The following EFHC1 variants were observed in gnomAD, a reference collection of about 807,000 sequenced individuals.
The protein encoded by EFHC1 is EF-hand domain-containing protein 1.
Under a neutral mutation model 69.9 loss-of-function variants are expected in EFHC1, and 53 were observed. The observed-to-expected ratio is 0.76, with a 90% confidence interval of 0.61 to 0.95. The LOEUF (loss-of-function observed/expected upper bound fraction) is 0.95. Ranked by LOEUF, EFHC1 falls within the 40% of genes least tolerant of loss-of-function variation. EFHC1 has a pLI of 0.00. For missense variants in EFHC1, 739 were observed against 798.7 expected (o/e 0.93, Z 0.90); for synonymous variants, 256 against 278.4 (o/e 0.92, Z 0.80).
chr6:52,424,214 CCAA>C, intron 2 of EFHC1, 47 bp downstream of exon 2: 4 of 1,563,720 alleles, frequency 2.6e-6, no homozygotes, highest in Non-Finnish European at 3.5e-6. Flanking sequence ...GGTCTGAGAG[CCAA>C]CTGCTTGCAA....
intron 5 of EFHC1, among the ~76,000 whole-genome samples, chr6:52,461,738 T>C (rs932275271): frequency 6.6e-6 from 1 of 152,074 alleles, no homozygotes. Context: ...GCAAATATCT[T>C]TAAAAAGAAA....
intron 7 of EFHC1, among the ~76,000 whole-genome samples, chr6:52,471,257 T>C (rs1765429814): frequency 6.6e-6 from 1 of 152,250 alleles, no homozygotes; most frequent in Admixed American, 6.5e-5. Context: ...TGTCTGTAGC[T>C]AATCTTTGAA....
chr6:52,487,963 T>C (rs1765821060), intron 9 of EFHC1: 2 of 152,250 alleles, frequency 1.3e-5, no homozygotes, highest in Non-Finnish European at 2.9e-5. Context: ...GCTGTAACTT[T>C]AACTAGCTCT....
At chr6:52,481,757 C>T (rs940359418) in intron 9 of EFHC1, 4 of 152,276 alleles carry the variant, frequency 2.6e-5, no homozygotes, top group African/African-American at 7.2e-5. Flanking sequence ...GTGATTCTGC[C>T]TCCTTGGCCT....
At chr6:52,434,366 C>T (rs1764483615) in intron 2 of EFHC1, among the ~76,000 whole-genome samples, 1 of 152,184 alleles carries the variant, frequency 6.6e-6, no homozygotes, top group South Asian at 2.1e-4. Flanking sequence ...CCCGCTGCTT[C>T]CTCTACCCCC....
At position 52,490,238 on chromosome 6, in the gene EFHC1, G is replaced by C. The variant is rs752701116; in HGVS notation, c.1739G>C (p.Arg580Pro). Residue 580 changes from arginine to proline, a missense_variant, in exon 10 of 11, where the codon CGT becomes CCT. Transcript: ENST00000371068. Reference protein sequence around the residue: ...LKDHSCKDNIREAFQIYDKEA... With the variant: ...LKDHSCKDNIPEAFQIYDKEA... ...GATCACTCATGCAAAGACAACATTC[G>C]TGAGGCATTTCAAATTTATGACAAG... 3 of 1,614,096 alleles carry C rather than the reference G, an allele frequency of 1.9e-6. 1 individual carries two copies. Among genetic ancestry groups the C allele is most frequent in the African/African-American group, 2.7e-5 (2 of 75,038 alleles).
At chr6:52,441,193 T>A (rs1311083552) in intron 3 of EFHC1, among the ~76,000 whole-genome samples, 3 of 152,160 alleles carry the variant, frequency 2.0e-5, no homozygotes, top group Admixed American at 1.3e-4. Flanking sequence ...GGTGTCTTTG[T>A]CATGAAATCT....
In EFHC1 at chr6:52,425,158, T is replaced by C. The variant is rs72921036; in HGVS notation, c.285+991T>C. Among the ~76,000 whole-genome samples, 1,167 of 152,306 alleles carry C rather than the reference T, an allele frequency of 7.7e-3. 13 individuals carry two copies. Among genetic ancestry groups the C allele is most frequent in the Middle Eastern group, 0.014 (4 of 294 alleles). ...TCTGTATCATTTCCTCTTCCCCACT[T>C]AACTCATTTATAGGGACACATTCAC... On this transcript the variant is annotated intron_variant, in intron 2 of 10. Coordinates refer to ENST00000371068, the MANE Select transcript of EFHC1 (RefSeq NM_018100.4).
chr6:52,479,851 C>CA, intron 9 of EFHC1, 64 bp downstream of exon 9: 1 of 1,599,758 alleles, frequency 6.3e-7, no homozygotes, highest in Non-Finnish European at 8.5e-7. Flanking sequence ...CTTGAGAAAA[C>CA]AAATGAGTAA....
At position 52,483,148 on chromosome 6, in the gene EFHC1, A is replaced by G. The variant is rs1581849779; in HGVS notation, c.1640+3361A>G. The G allele has an allele frequency of 4.2e-5, 13 of 311,514 alleles. No homozygotes were observed. In the East Asian group the frequency reaches 6.5e-4, roughly 16 times the overall value. The allele number at this position is 311,514 out of a possible 1,614,324, so 19.3% of individuals were successfully genotyped here. Reference sequence around the variant, plus strand: ...TTAATTACATTGTGGTTAGTGGACTAAAGTCCTGACAGATAAGTTTGTACT... The same window carrying G: ...TTAATTACATTGTGGTTAGTGGACTGAAGTCCTGACAGATAAGTTTGTACT... On this transcript the variant is annotated intron_variant, in intron 9 of 10. Transcript: ENST00000371068.
At chr6:52,454,577 G>C (rs1023853378) in intron 5 of EFHC1, among the ~76,000 whole-genome samples, 1 of 152,150 alleles carries the variant, frequency 6.6e-6, no homozygotes, top group African/African-American at 2.4e-5. Context: ...TTTAATATTA[G>C]ATTTTTAATG....
At chr6:52,463,562 C>A (rs923364795) in intron 5 of EFHC1, among the ~76,000 whole-genome samples, 1 of 151,960 alleles carries the variant, frequency 6.6e-6, no homozygotes, top group African/African-American at 2.4e-5. Flanking sequence ...CCAGTGAAAC[C>A]AAAGTCACCA....
intron 1 of EFHC1, among the ~76,000 whole-genome samples, chr6:52,421,961 T>C (rs1489064366): frequency 6.6e-6 from 1 of 152,238 alleles, no homozygotes; most frequent in African/African-American, 2.4e-5. Context: ...AACTGTGCAT[T>C]GGACATATTT....
At chr6:52,444,600 C>T (rs148354819) in intron 3 of EFHC1, among the ~76,000 whole-genome samples, 15 of 152,082 alleles carry the variant, frequency 9.9e-5, no homozygotes, top group Admixed American at 8.5e-4. Flanking sequence ...TTTATTGATT[C>T]GTGTATGTTG....
At chr6:52,487,388 G>A (rs1052025113) in intron 9 of EFHC1, 2 of 152,070 alleles carry the variant, frequency 1.3e-5, no homozygotes, top group Non-Finnish European at 2.9e-5. Flanking sequence ...CGTCTACTAG[G>A]TTGGCATTTC....
At chr6:52,444,253 C>A (rs574549312) in intron 3 of EFHC1, among the ~76,000 whole-genome samples, 1 of 152,184 alleles carries the variant, frequency 6.6e-6, no homozygotes, top group Non-Finnish European at 1.5e-5. Context: ...ATTTGACTTC[C>A]TCTTTTCCTA....
chr6:52,435,210 C>G (rs1005923878), intron 2 of EFHC1, among the ~76,000 whole-genome samples: 2 of 152,172 alleles, frequency 1.3e-5, no homozygotes, highest in African/African-American at 2.4e-5. Context: ...ATAAATATCT[C>G]AAATTAAGCA....
intron 5 of EFHC1, among the ~76,000 whole-genome samples, chr6:52,462,385 T>C (rs944176957): frequency 2.0e-5 from 3 of 151,658 alleles, no homozygotes; most frequent in African/African-American, 7.3e-5. Context: ...GTTAGAAATC[T>C]AAAGAATTTA....
chr6:52,479,003 C>T (rs776226699), intron 7 of EFHC1, 34 bp from the exon 8 acceptor site: 1 of 1,600,266 alleles, frequency 6.2e-7, no homozygotes, highest in Non-Finnish European at 8.5e-7. Context: ...AGACCATGAA[C>T]CTTCATAATA....
Sources: gnomAD v4.1 joint callset for allele counts (sites outside exome capture counted in the v4.1 genomes callset) on GRCh38, gnomAD v4.1.1 for gene constraint, MANE v1.5 for transcripts, NCBI Gene and HGNC (gene_info 2026-07-23, HGNC 2026-07-21) for gene names.